The following CPHXL variants were observed in gnomAD, a reference collection of about 807,000 sequenced individuals.
CPHXL encodes cytoplasmic polyadenylated homeobox-like protein.
intron 2 of CPHXL, among the ~76,000 whole-genome samples, chr16:75,717,722 A>G (rs1316387763): frequency 6.6e-6 from 1 of 152,174 alleles, no homozygotes; most frequent in Non-Finnish European, 1.5e-5. Context: ...AGCATCAGCC[A>G]CAGCGCCCAT....
At position 75,718,433 on chromosome 16, in the gene CPHXL, A is replaced by G. The variant is rs181535925; in HGVS notation, c.51T>C (p.His17=). 9.0e-5 allele frequency: 36 copies of G among 398,548 alleles called. No homozygotes were observed. Among genetic ancestry groups the G allele is most frequent in the African/African-American group, 6.6e-4 (32 of 48,726 alleles). The allele number at this position is 398,548 out of a possible 1,614,324, so 24.7% of individuals were successfully genotyped here. A position where few individuals can be genotyped will look rare whatever the true frequency, so the allele number is the denominator to read the frequency against. The change falls in exon 2 of 3, where the codon CAT becomes CAC. Residue 17 remains histidine, a synonymous_variant. Coordinates refer to ENST00000640559, the MANE Select transcript of CPHXL (RefSeq NM_001355613.1). ...SGGFPAEEDH[H]NEERQTKNKR... ...TATTCTTTGTTTGTCTTTCTTCATT[A>G]TGATGATCCTCTTCAGCTGGGAAAC...
At chr16:75,724,679 A>T (rs935828734) in intron 1 of CPHXL, among the ~76,000 whole-genome samples, 2 of 152,218 alleles carry the variant, frequency 1.3e-5, no homozygotes, top group African/African-American at 4.8e-5. Context: ...TGTTGGTGGG[A>T]CTGTAAAGTA....
rs1959369072 is a variant in CPHXL at position 75,714,938 on chromosome 16, C to T, written c.504G>A (p.Gln168=). ...SLENQETPSQ[Q]VGPQCSYLEK... is the part of the protein sequence containing the mutation. ...CCAGATAAGAGCACTGGGGGCCCACCTGTTGACTGGGAGTCTCTTGGTTCT... is the reference window on the plus strand; with the variant it reads ...CCAGATAAGAGCACTGGGGGCCCACTTGTTGACTGGGAGTCTCTTGGTTCT... The change falls in exon 3 of 3, where the codon CAG becomes CAA. Residue 168 remains glutamine, a synonymous_variant. Coordinates refer to ENST00000640559, the MANE Select transcript of CPHXL (RefSeq NM_001355613.1). 1 of 398,540 alleles carries T rather than the reference C, an allele frequency of 2.5e-6. No homozygotes were observed. Among genetic ancestry groups the T allele is most frequent in the Admixed American group, 4.4e-5 (1 of 22,716 alleles). 24.7% of individuals were successfully genotyped at this position (398,540 alleles called of 1,614,324 possible). A position where few individuals can be genotyped will look rare whatever the true frequency, so the allele number is the denominator to read the frequency against.
In CPHXL at chr16:75,714,304, C is replaced by G. The variant is rs962927225; in HGVS notation, c.1138G>C (p.Asp380His). 2.5e-6 allele frequency: 1 copy of G among 398,498 alleles called. No homozygotes were observed. Among genetic ancestry groups the G allele is most frequent in the Non-Finnish European group, 4.4e-6 (1 of 226,126 alleles). The allele number at this position is 398,498 out of a possible 1,614,324, so 24.7% of individuals were successfully genotyped here. A position where few individuals can be genotyped will look rare whatever the true frequency, so the allele number is the denominator to read the frequency against. The change falls in exon 3 of 3, where the codon GAC (aspartate) becomes CAC (histidine). Residue 380 changes from aspartate (D) to histidine (H), a missense_variant. By Grantham distance (81) the Asp-to-His change is moderately conservative. Coordinates refer to ENST00000640559, the MANE Select transcript of CPHXL (RefSeq NM_001355613.1). ...LQHMSLQIAA[D>H]SPLLPLGQDM... is the part of the protein sequence containing the mutation. Reference sequence around the variant, plus strand: ...TGCCCCAGAGGCAGAAGGGGTGAGTCGGCAGCTATTTGGAGAGACATGTGC... The same window carrying G: ...TGCCCCAGAGGCAGAAGGGGTGAGTGGGCAGCTATTTGGAGAGACATGTGC...
rs531451589 is a variant in CPHXL, at chr16:75,714,529, G to C, written c.913C>G (p.Gln305Glu). 42 of 398,630 alleles carry C rather than the reference G, an allele frequency of 1.1e-4. No individual in the cohort carries two copies. Among genetic ancestry groups the C allele is most frequent in the African/African-American group, 7.0e-4 (34 of 48,740 alleles). 24.7% of individuals were successfully genotyped at this position (398,630 alleles called of 1,614,324 possible). ...LCSFCLSLLG[Q>E]QQQNDWQYHL... ...TACTGCCAATCATTCTGCTGCTGTT[G>C]TCCCAGCAGTGAGAGACAGAATGAG... The change falls in exon 3 of 3, where the codon CAA (glutamine) becomes GAA (glutamate). Residue 305 changes from glutamine (Q) to glutamate (E), a missense_variant. By Grantham distance (29) the Gln-to-Glu change is conservative. Transcript: ENST00000640559.
intron 1 of CPHXL, among the ~76,000 whole-genome samples, chr16:75,721,713 G>A (rs948171064): frequency 8.7e-4 from 133 of 152,252 alleles, no homozygotes; most frequent in Admixed American, 1.8e-3. Flanking sequence ...AAGTTAACAA[G>A]GATATCCAAG....
chr16:75,718,833 A>G (rs1204130000), intron 1 of CPHXL, among the ~76,000 whole-genome samples: 2 of 152,246 alleles, frequency 1.3e-5, no homozygotes, highest in East Asian at 3.8e-4. Context: ...TTGAGAATTT[A>G]TATTTAAAAT....
At chr16:75,722,436 C>T (rs1959491262) in intron 1 of CPHXL, among the ~76,000 whole-genome samples, 1 of 152,100 alleles carries the variant, frequency 6.6e-6, no homozygotes, top group South Asian at 2.1e-4. Context: ...CATCACTGAT[C>T]CCACAGAAAT....
At chr16:75,724,925 C>T (rs902025280) in intron 1 of CPHXL, among the ~76,000 whole-genome samples, 39 of 152,192 alleles carry the variant, frequency 2.6e-4, no homozygotes, top group Non-Finnish European at 2.9e-5. Flanking sequence ...CACATATATA[C>T]CACAGAATAC....
chr16:75,715,226 G>T lies in CPHXL; in HGVS notation c.220-4C>A. 1 of 398,798 alleles carries T rather than the reference G, an allele frequency of 2.5e-6. No individual in the cohort carries two copies. Among genetic ancestry groups the T allele is most frequent in the Non-Finnish European group, 4.4e-6 (1 of 226,192 alleles). The allele number at this position is 398,798 out of a possible 1,614,324, so 24.7% of individuals were successfully genotyped here. ...CTCTTTTATTCTGGAACCAATTCTA[G>T]AGAGAAAAGATAATATTGTTTTATT... On this transcript the variant is annotated splice_region_variant and splice_polypyrimidine_tract_variant and intron_variant, in intron 2 of 2. Transcript: ENST00000640559.
intron 1 of CPHXL, among the ~76,000 whole-genome samples, chr16:75,718,814 T>C (rs1418422681): frequency 6.6e-6 from 1 of 152,236 alleles, no homozygotes; most frequent in African/African-American, 2.4e-5. Context: ...ACATATTTAC[T>C]ATCTGGATTT....
At chr16:75,717,599 G>A (rs755297049) in intron 2 of CPHXL, among the ~76,000 whole-genome samples, 3 of 151,900 alleles carry the variant, frequency 2.0e-5, no homozygotes, top group African/African-American at 7.3e-5. Context: ...TAAAATTTTT[G>A]TATTGTTATT....
intron 1 of CPHXL, among the ~76,000 whole-genome samples, chr16:75,724,262 A>G (rs904403544): frequency 3.3e-5 from 5 of 152,234 alleles, no homozygotes; most frequent in African/African-American, 9.6e-5. Context: ...ACGAAAGCCA[A>G]AATTGACAAA....
chr16:75,724,457 G>A (rs976455520), intron 1 of CPHXL, among the ~76,000 whole-genome samples: 1 of 152,128 alleles, frequency 6.6e-6, no homozygotes, highest in South Asian at 2.1e-4. Context: ...ATCAACAAGT[G>A]GGTGAAGGAT....
chr16:75,724,215 C>T (rs1313940131), intron 1 of CPHXL, among the ~76,000 whole-genome samples: 2 of 152,104 alleles, frequency 1.3e-5, no homozygotes, highest in Non-Finnish European at 2.9e-5. Context: ...TAGGCATGGG[C>T]AAGGACTTCA....
intron 2 of CPHXL, among the ~76,000 whole-genome samples, chr16:75,715,593 C>T (rs1312237626): frequency 6.6e-6 from 1 of 152,200 alleles, no homozygotes; most frequent in Non-Finnish European, 1.5e-5. Flanking sequence ...CCAGCTGTCC[C>T]ACCTAGTCAT....
Position 75,721,748 on chromosome 16 carries a change from C to T in CPHXL, c.26-3290G>A, listed in dbSNP as rs542956713. On this transcript the variant is annotated intron_variant, in intron 1 of 2. Transcript: ENST00000640559. ...GAATTGAACTCAGCTCTGCACCAAG[C>T]GGACCTAATAGACATCTACAGAACT... 5.5e-4 allele frequency among the ~76,000 whole-genome samples: 83 copies of T among 152,232 alleles called. No individual in the cohort carries two copies. In the East Asian group the frequency reaches 0.012, roughly 23 times the overall value.
At position 75,714,206 on chromosome 16, in the gene CPHXL, C is replaced by G; in HGVS notation, c.*18G>C. On this transcript the variant is annotated 3_prime_UTR_variant, in exon 3 of 3. Transcript: ENST00000640559. ...GCATCCTTGGTTCCCTGCTGCAGAC[C>G]CTTGTCCACTCTTCAACTTAAAGTT... is the stretch of plus-strand genomic sequence containing the variant. The G allele has an allele frequency of 2.5e-6, 1 of 398,642 alleles. No individual in the cohort carries two copies. Among genetic ancestry groups the G allele is most frequent in the East Asian group, 3.6e-5 (1 of 28,092 alleles). 24.7% of individuals were successfully genotyped at this position (398,642 alleles called of 1,614,324 possible). A position where few individuals can be genotyped will look rare whatever the true frequency, so the allele number is the denominator to read the frequency against.
Position 75,718,333 on chromosome 16 carries a change from A to G in CPHXL, c.151T>C (p.Cys51Arg). The G allele has an allele frequency of 2.5e-6, 1 of 398,852 alleles. No homozygotes were observed. Among genetic ancestry groups the G allele is most frequent in the Non-Finnish European group, 4.4e-6 (1 of 226,218 alleles). 24.7% of individuals were successfully genotyped at this position (398,852 alleles called of 1,614,324 possible). The change falls in exon 2 of 3, where the codon TGT (cysteine) becomes CGT (arginine). Residue 51 changes from cysteine to arginine, a missense_variant. Physicochemically the swap from Cys to Arg is radical, Grantham distance 180 (BLOSUM62 -3). Transcript: ENST00000640559. ...TTCCTAGTTGTGTAATCGGGATAACAGTTCTCTCCAAATATTTCCTTAAGT... is the reference window on the plus strand; with the variant it reads ...TTCCTAGTTGTGTAATCGGGATAACGGTTCTCTCCAAATATTTCCTTAAGT... Reference protein sequence around the residue: ...QELKEIFGENCYPDYTTRKTL... With the variant: ...QELKEIFGENRYPDYTTRKTL...
Sources: allele counts gnomAD v4.1 joint callset (sites outside exome capture counted in the v4.1 genomes callset), GRCh38; gene constraint gnomAD v4.1.1; transcripts MANE v1.5; gene names NCBI Gene and HGNC (gene_info 2026-07-23, HGNC 2026-07-21).